MTF2: variants seen among roughly 807,000 people sequenced by gnomAD.
MTF2 encodes metal-response element-binding transcription factor 2.
A neutral mutation model predicts 79.5 loss-of-function variants in MTF2; 11 were observed. The observed-to-expected ratio is 0.14, with a 90% CI of 0.09 to 0.23. The LOEUF is 0.23. Among genes scored for constraint, MTF2 ranks in the 10% least tolerant of loss-of-function variants. The probability of loss-of-function intolerance (pLI) is 1.00; values close to 1 mark genes in which losing one functional copy is unlikely to be tolerated. For missense variants in MTF2, 486 were observed against 711.2 expected, an observed-to-expected ratio of 0.68 and a Z score of 3.60; for synonymous variants, 208 against 232.8, an observed-to-expected ratio of 0.89 and a Z score of 0.97.
chr1:93,125,844 G>A, intron 9 of MTF2, among the ~76,000 whole-genome samples: 1 of 152,058 alleles, frequency 6.6e-6, no homozygotes, highest in East Asian at 1.9e-4. Context: ...GAGCTGTCTT[G>A]TAAAAGAAGG....
At chr1:93,090,621 G>T (rs545634027) in intron 1 of MTF2, among the ~76,000 whole-genome samples, 11 of 151,894 alleles carry the variant, frequency 7.2e-5, no homozygotes, top group Non-Finnish European at 1.6e-4. Context: ...AAGAGAGTAG[G>T]ATTGTTGGAA....
intron 1 of MTF2, among the ~76,000 whole-genome samples, chr1:93,084,156 A>G (rs918384402): frequency 3.3e-5 from 5 of 151,908 alleles, no homozygotes; most frequent in Admixed American, 6.6e-5. Context: ...TTTTGAGTCA[A>G]TTTTTTATAT....
intron 1 of MTF2, among the ~76,000 whole-genome samples, chr1:93,082,984 C>T (rs1368026550): frequency 6.6e-6 from 1 of 152,128 alleles, no homozygotes; most frequent in Non-Finnish European, 1.5e-5. Context: ...GTCTGGCTTC[C>T]TTCACTTAGC....
At chr1:93,113,982 A>T (rs1019250204) in intron 3 of MTF2, among the ~76,000 whole-genome samples, 2 of 151,566 alleles carry the variant, frequency 1.3e-5, no homozygotes, top group Admixed American at 6.6e-5. Context: ...AGGGTGGTAA[A>T]TTGTATTAGA....
chr1:93,080,524 T>C (rs1208225870), intron 1 of MTF2, among the ~76,000 whole-genome samples: 1 of 152,236 alleles, frequency 6.6e-6, no homozygotes, highest in Non-Finnish European at 1.5e-5. Context: ...ATAGAAACCA[T>C]GTAACACTAA....
intron 9 of MTF2, among the ~76,000 whole-genome samples, chr1:93,125,827 A>G (rs914242254): frequency 2.0e-5 from 3 of 152,112 alleles, no homozygotes; most frequent in Non-Finnish European, 4.4e-5. Context: ...GCATTCAGAT[A>G]TTTGAAGAGC....
intron 1 of MTF2, among the ~76,000 whole-genome samples, chr1:93,105,925 C>T (rs764826162): frequency 1.3e-5 from 2 of 152,162 alleles, no homozygotes; most frequent in Non-Finnish European, 2.9e-5. Flanking sequence ...CTGCCCGACC[C>T]GTTCTCCCAA....
chr1:93,092,840 C>T (rs1482840953), intron 1 of MTF2, among the ~76,000 whole-genome samples: 4 of 152,046 alleles, frequency 2.6e-5, no homozygotes, highest in Non-Finnish European at 2.9e-5. Context: ...TGAAGAACCA[C>T]GTAGAATATG....
At chr1:93,114,816 A>G (rs538586058) in intron 4 of MTF2, 33 bp downstream of exon 4, 2 of 1,495,370 alleles carry the variant, frequency 1.3e-6, no homozygotes, top group Middle Eastern at 1.7e-4. Context: ...CTTGTTACAT[A>G]CTGAATGACT....
intron 3 of MTF2, among the ~76,000 whole-genome samples, chr1:93,113,371 C>T (rs1018625945): frequency 6.6e-6 from 1 of 151,868 alleles, no homozygotes; most frequent in African/African-American, 2.4e-5. Context: ...CACAGCAAGA[C>T]CCTATCTGAG....
At chr1:93,115,679 T>G (rs1157433132) in intron 6 of MTF2, 61 bp downstream of exon 6, 1 of 1,375,782 alleles carries the variant, frequency 7.3e-7, no homozygotes, top group African/African-American at 1.5e-5. Flanking sequence ...TCTATTTTTC[T>G]TGATTATGGT....
Position 93,137,136 on chromosome 1 carries a change from A to G in MTF2, c.*109A>G. ...TCTTTCTTAAAAAAAAAAAAAAGTC[A>G]AAAAAATTCAAAAAAGGGGATGATA... On this transcript the variant is annotated 3_prime_UTR_variant, in exon 15 of 15. Coordinates refer to ENST00000370298, the MANE Select transcript of MTF2 (RefSeq NM_007358.4). 1 of 889,154 alleles carries G rather than the reference A, an allele frequency of 1.1e-6. No homozygotes were observed. The highest frequency in any genetic ancestry group is 1.7e-6 in the Non-Finnish European group (1 of 598,592). 55.1% of individuals were successfully genotyped at this position (889,154 alleles called of 1,614,324 possible). A position where few individuals can be genotyped will look rare whatever the true frequency, so the allele number is the denominator to read the frequency against.
intron 1 of MTF2, among the ~76,000 whole-genome samples, chr1:93,105,131 G>A (rs796698390): frequency 1.2e-4 from 14 of 115,656 alleles, no homozygotes; most frequent in South Asian, 3.0e-4. Flanking sequence ...GTGACAGAGC[G>A]AGACTCCGTC....
intron 3 of MTF2, among the ~76,000 whole-genome samples, chr1:93,113,993 A>C (rs188185685): frequency 1.2e-4 from 18 of 150,100 alleles, no homozygotes; most frequent in Admixed American, 4.6e-4. Flanking sequence ...TTGTATTAGA[A>C]ATTTTGTGTG....
At chr1:93,088,697 C>G (rs1485027270) in intron 1 of MTF2, among the ~76,000 whole-genome samples, 1 of 152,074 alleles carries the variant, frequency 6.6e-6, no homozygotes, top group Non-Finnish European at 1.5e-5. Flanking sequence ...ACCCAAGTAG[C>G]TGGGATTACA....
chr1:93,100,812 G>A (rs554454939), intron 1 of MTF2, among the ~76,000 whole-genome samples: 303 of 152,332 alleles, frequency 2.0e-3, no homozygotes, highest in African/African-American at 7.1e-3. Flanking sequence ...TAGCTTTAAT[G>A]CAGTGCCAAG....
intron 9 of MTF2, among the ~76,000 whole-genome samples, chr1:93,122,986 T>C (rs540671470): frequency 1.3e-5 from 2 of 152,226 alleles, no homozygotes; most frequent in Non-Finnish European, 2.9e-5. Flanking sequence ...ATTATTTGAA[T>C]AGAAAATTTT....
intron 9 of MTF2, among the ~76,000 whole-genome samples, chr1:93,123,850 T>C (rs775274421): frequency 1.3e-5 from 2 of 150,266 alleles, no homozygotes; most frequent in Non-Finnish European, 3.0e-5. Flanking sequence ...ATTTAGGTTG[T>C]CCCCTTCTGC....
At chr1:93,101,267 G>A (rs1369396413) in intron 1 of MTF2, among the ~76,000 whole-genome samples, 1 of 149,584 alleles carries the variant, frequency 6.7e-6, no homozygotes, top group African/African-American at 2.5e-5. Flanking sequence ...CTTTCAAGAT[G>A]TATATGACTA....
Sources: gnomAD v4.1 joint callset for allele counts (sites outside exome capture counted in the v4.1 genomes callset) on GRCh38, gnomAD v4.1.1 for gene constraint, MANE v1.5 for transcripts, NCBI Gene and HGNC (gene_info 2026-07-23, HGNC 2026-07-21) for gene names.